Variants in NRXN1 observed in about 807,000 individuals in gnomAD.
NRXN1 encodes the protein neurexin 1.
Under a neutral mutation model 150.9 loss-of-function variants are expected in NRXN1, and 39 were observed. That is an observed-to-expected ratio of 0.26 (90% confidence interval 0.20 to 0.34). The LOEUF is 0.34. Ranked by LOEUF, NRXN1 falls within the 10% of genes least tolerant of loss-of-function variation. The pLI, the probability that NRXN1 is intolerant of heterozygous loss-of-function variation, is 1.00. For synonymous variants in NRXN1, 924 were observed against 757.0 expected (o/e 1.22, Z -3.62); for missense variants, 1,815 against 1,949.9 (o/e 0.93, Z 1.30).
chr2:50,346,485 C>G lies in NRXN1; in HGVS notation c.3365-109515G>C, dbSNP rs1575166876. Among the ~76,000 whole-genome samples the G allele has an allele frequency of 6.6e-6, 1 of 152,042 alleles. No homozygotes were observed. The highest frequency in any genetic ancestry group is 1.5e-5 in the Non-Finnish European group (1 of 68,018). On this transcript the variant is annotated intron_variant, in intron 17 of 22. Coordinates refer to ENST00000401669, the MANE Select transcript of NRXN1 (RefSeq NM_001330078.2). The surrounding 1 kb of genome is among the most constrained non-coding windows in gnomAD (Gnocchi z 5.0). ...CCTCGACAAGGAACGCCCCTCCCAC[C>G]CCTCACCACCAACACCCGCGACGCC...
intron 17 of NRXN1, among the ~76,000 whole-genome samples, chr2:50,353,428 A>G (rs2078566156): frequency 6.6e-6 from 1 of 152,048 alleles, no homozygotes; most frequent in African/African-American, 2.4e-5. Context: ...TTCAGTTTCA[A>G]TGTGTTCATA....
intron 5 of NRXN1, among the ~76,000 whole-genome samples, chr2:50,847,727 G>A (rs556857920): frequency 6.6e-6 from 1 of 152,302 alleles, no homozygotes; most frequent in South Asian, 2.1e-4. Flanking sequence ...GATGTCCAGG[G>A]AGCACGTCAA....
chr2:50,694,708 G>T (rs1692566820), intron 5 of NRXN1, among the ~76,000 whole-genome samples: 1 of 152,216 alleles, frequency 6.6e-6, no homozygotes, highest in Middle Eastern at 3.4e-3. Flanking sequence ...GTAGGTGGAG[G>T]TTACATTCTT....
At chr2:50,875,572 A>T (rs1267906749) in intron 5 of NRXN1, among the ~76,000 whole-genome samples, 2 of 151,838 alleles carry the variant, frequency 1.3e-5, no homozygotes, top group East Asian at 3.9e-4. Context: ...ACAAGATAAG[A>T]TTTCTACCTC....
rs78447050 is a variant in NRXN1 at position 50,077,078 on chromosome 2, A to G, written c.3718+14245T>C. 8.2e-3 allele frequency among the ~76,000 whole-genome samples: 1,252 copies of G among 152,286 alleles called. 21 individuals are homozygous for G. The highest frequency in any genetic ancestry group is 0.029 in the African/African-American group (1,196 of 41,566). Reference sequence around the variant, plus strand: ...CTCCCTGTGTTTGCTCATTTATCACAAGGAGATACTGTAAGCTGTCTTATA... The same window carrying G: ...CTCCCTGTGTTTGCTCATTTATCACGAGGAGATACTGTAAGCTGTCTTATA... On this transcript the variant is annotated intron_variant, in intron 19 of 22. Coordinates refer to ENST00000401669, the MANE Select transcript of NRXN1 (RefSeq NM_001330078.2).
intron 21 of NRXN1, among the ~76,000 whole-genome samples, chr2:50,042,607 G>A (rs1691169998): frequency 6.6e-6 from 1 of 152,074 alleles, no homozygotes; most frequent in African/African-American, 2.4e-5. Context: ...ATCATTTTAT[G>A]CATTCTGTGT....
intron 9 of NRXN1, among the ~76,000 whole-genome samples, chr2:50,549,608 T>C (rs534732200): frequency 6.6e-5 from 10 of 152,306 alleles, no homozygotes; most frequent in Admixed American, 5.9e-4. Flanking sequence ...TTTCTGTTCT[T>C]CCCATACAGA....
chr2:50,813,465 G>A (rs1668508157), intron 5 of NRXN1, among the ~76,000 whole-genome samples: 2 of 151,742 alleles, frequency 1.3e-5, no homozygotes, highest in South Asian at 4.2e-4. Context: ...GTATTATATT[G>A]AACAATATAA....
intron 18 of NRXN1, among the ~76,000 whole-genome samples, chr2:50,180,202 A>AT (rs1183572968): frequency 1.3e-5 from 2 of 150,904 alleles, no homozygotes; most frequent in Non-Finnish European, 3.0e-5. Flanking sequence ...AAAAAAAAAA[A>AT]TTTGTAGAGA....
chr2:50,955,046 G>T (rs1692055032), intron 2 of NRXN1, among the ~76,000 whole-genome samples: 1 of 152,070 alleles, frequency 6.6e-6, no homozygotes. Flanking sequence ...CAGGTGCAGG[G>T]TGTATTTCCT....
At chr2:50,885,056 T>C (rs571887458) in intron 5 of NRXN1, among the ~76,000 whole-genome samples, 1 of 151,654 alleles carries the variant, frequency 6.6e-6, no homozygotes, top group African/African-American at 2.4e-5. Flanking sequence ...AAAATGAGAC[T>C]TTCGTTTCAG....
At chr2:50,382,013 G>T (rs893601197) in intron 17 of NRXN1, among the ~76,000 whole-genome samples, 1 of 152,144 alleles carries the variant, frequency 6.6e-6, no homozygotes, top group Non-Finnish European at 1.5e-5. Flanking sequence ...TGGGCTTGAG[G>T]TAGTTTCTGA....
At chr2:50,143,057 C>A (rs1388547021) in intron 18 of NRXN1, among the ~76,000 whole-genome samples, 1 of 150,912 alleles carries the variant, frequency 6.6e-6, no homozygotes, top group East Asian at 1.9e-4. Context: ...ACATTTTATA[C>A]CATGCAATGT....
At chr2:50,945,899 TACACAC>T (rs1553403042) in intron 2 of NRXN1, among the ~76,000 whole-genome samples, 2 of 103,028 alleles carry the variant, frequency 1.9e-5, no homozygotes, top group East Asian at 4.3e-4. Context: ...TATATATATA[TACACAC>T]ACACACACAC....
chr2:50,990,602 T>C (rs1014620461), intron 2 of NRXN1, among the ~76,000 whole-genome samples: 6 of 152,056 alleles, frequency 3.9e-5, no homozygotes, highest in African/African-American at 9.7e-5. Flanking sequence ...GGTGTAGACA[T>C]AGACTTTAGT....
intron 5 of NRXN1, among the ~76,000 whole-genome samples, chr2:50,635,959 C>G (rs1683180418): frequency 6.6e-6 from 1 of 152,122 alleles, no homozygotes; most frequent in South Asian, 2.1e-4. Context: ...GGTGGACAAT[C>G]AATTAATGTT....
rs527316915 is a variant in NRXN1, at chr2:50,716,118, A to C, written c.833-92503T>G. ...ATGAAAATGTAATGACTAATATAAA[A>C]ATTGGCACAAACATCTATTCCATGC... On this transcript the variant is annotated intron_variant, in intron 5 of 22. Coordinates refer to ENST00000401669, the MANE Select transcript of NRXN1 (RefSeq NM_001330078.2). Among the ~76,000 whole-genome samples, 70 of 152,286 alleles carry C rather than the reference A, an allele frequency of 4.6e-4. No homozygotes were observed. The Middle Eastern group carries it at 0.02, about 44-fold the overall frequency.
At chr2:50,403,596 G>T (rs539038830) in intron 17 of NRXN1, among the ~76,000 whole-genome samples, 5 of 151,992 alleles carry the variant, frequency 3.3e-5, no homozygotes, top group Non-Finnish European at 5.9e-5. Flanking sequence ...AAAAACTATG[G>T]CTAAGGATAA....
intron 21 of NRXN1, among the ~76,000 whole-genome samples, chr2:50,045,637 C>T (rs765543449): frequency 6.6e-6 from 1 of 152,122 alleles, no homozygotes; most frequent in Non-Finnish European, 1.5e-5. Flanking sequence ...CAAAGTATTA[C>T]AGAACAATTT....
Sources: gnomAD v4.1 joint callset for allele counts (sites outside exome capture counted in the v4.1 genomes callset) on GRCh38, gnomAD v4.1.1 for gene constraint, Gnocchi (gnomAD v3.1) non-coding constraint, MANE v1.5 for transcripts, NCBI Gene and HGNC (gene_info 2026-07-23, HGNC 2026-07-21) for gene names.